The following CAMTA1 variants were observed in gnomAD, a reference collection of about 807,000 sequenced individuals.
CAMTA1 encodes calmodulin binding transcription activator 1, also known as calmodulin-binding transcription activator 1.
Under a neutral mutation model 170.9 loss-of-function variants are expected in CAMTA1, and 27 were observed. The ratio of observed to expected loss-of-function variants is 0.16; its 90% confidence interval spans 0.12 to 0.22. CAMTA1 has a LOEUF of 0.22. Among genes scored for constraint, CAMTA1 ranks in the 10% least tolerant of loss-of-function variants. CAMTA1 has a pLI of 1.00. For missense variants in CAMTA1, 1,619 were observed against 2,217.2 expected, an observed-to-expected ratio of 0.73 and a Z score of 5.42; for synonymous variants, 833 against 891.5, an observed-to-expected ratio of 0.93 and a Z score of 1.17.
Position 7,665,149 on chromosome 1 carries a change from G to A in CAMTA1, c.2602G>A (p.Gly868Arg), listed in dbSNP as rs770924661. 29 of 1,504,562 alleles carry A rather than the reference G, an allele frequency of 1.9e-5. No homozygotes were observed. The South Asian group carries it at 2.6e-4, about 13-fold the overall frequency. The allele number at this position is 1,504,562 out of a possible 1,614,324, so 93.2% of individuals were successfully genotyped here. ...QGTLGMLQQS[G>R]RVFMVTDYSP... ...CACCCTAGGCATGCTGCAGCAGAGC[G>A]GACGGGTGTTCATGGTGACCGACTA... The change falls in exon 9 of 23, where the codon GGA (glycine) becomes AGA (arginine). Residue 868 changes from glycine (G) to arginine (R), a missense_variant. Gly to Arg is a moderately radical substitution (Grantham distance 125, BLOSUM62 -2). Around this residue, in one of 8 missense-constraint regions of CAMTA1, gnomAD observed 731 missense variants for 907.6 expected, o/e 0.81. Coordinates refer to ENST00000303635, the MANE Select transcript of CAMTA1 (RefSeq NM_015215.4). This position sits in a 1 kb window ranked among gnomAD's most constrained non-coding sequence, Gnocchi z 4.3.
At chr1:7,454,722 C>T (rs1413922450) in intron 5 of CAMTA1, among the ~76,000 whole-genome samples, 1 of 151,852 alleles carries the variant, frequency 6.6e-6, no homozygotes, top group Non-Finnish European at 1.5e-5. Context: ...GCCTGGACAG[C>T]AGTGCTGGGC....
At chr1:7,151,899 C>T (rs1438077363) in intron 4 of CAMTA1, among the ~76,000 whole-genome samples, 1 of 152,122 alleles carries the variant, frequency 6.6e-6, no homozygotes, top group Non-Finnish European at 1.5e-5. Flanking sequence ...TTCCATTATA[C>T]GTTATAATGT....
At chr1:6,823,154 A>G (rs960162441) in intron 2 of CAMTA1, among the ~76,000 whole-genome samples, 2 of 152,068 alleles carry the variant, frequency 1.3e-5, no homozygotes, top group Non-Finnish European at 2.9e-5. Context: ...ATCATGGGGG[A>G]TTTTAAAAAA....
intron 5 of CAMTA1, among the ~76,000 whole-genome samples, chr1:7,289,579 C>T (rs983192152): frequency 6.6e-6 from 1 of 152,168 alleles, no homozygotes; most frequent in African/African-American, 2.4e-5. Context: ...AAGGCATGTC[C>T]ACCCTGAACC....
intron 6 of CAMTA1, among the ~76,000 whole-genome samples, chr1:7,480,416 T>TGTGA (rs1553177376): frequency 7.4e-5 from 11 of 148,662 alleles, no homozygotes; most frequent in Admixed American, 1.3e-4. Flanking sequence ...TGTGTGTGTG[T>TGTGA]GAGAGAGAGA....
chr1:6,968,754 G>A (rs1004104064), intron 3 of CAMTA1, among the ~76,000 whole-genome samples: 2 of 151,642 alleles, frequency 1.3e-5, no homozygotes, highest in African/African-American at 2.4e-5. Context: ...AAAAGGAGAC[G>A]GATAGAGAGA....
intron 5 of CAMTA1, among the ~76,000 whole-genome samples, chr1:7,423,888 G>A (rs950671583): frequency 6.6e-6 from 1 of 152,152 alleles, no homozygotes; most frequent in South Asian, 2.1e-4. Flanking sequence ...AGGACAGAGA[G>A]GGGAGGGACT....
chr1:7,053,984 C>A (rs1357999147), intron 3 of CAMTA1, among the ~76,000 whole-genome samples: 1 of 152,242 alleles, frequency 6.6e-6, no homozygotes. Context: ...GGACTTGCTG[C>A]TCCTGCTGCC....
At chr1:7,348,551 G>C (rs1388009871) in intron 5 of CAMTA1, among the ~76,000 whole-genome samples, 1 of 138,600 alleles carries the variant, frequency 7.2e-6, no homozygotes, top group African/African-American at 3.3e-5. Context: ...GTAAAGGTTC[G>C]GCCGCCTACA....
intron 21 of CAMTA1, among the ~76,000 whole-genome samples, chr1:7,752,782 T>C (rs1435650589): frequency 1.3e-5 from 2 of 152,206 alleles, no homozygotes; most frequent in African/African-American, 2.4e-5. Context: ...TCTGTTTTAA[T>C]TTGGGTGTGA....
chr1:7,711,556 T>C (rs2096570833), intron 11 of CAMTA1, among the ~76,000 whole-genome samples: 1 of 152,188 alleles, frequency 6.6e-6, no homozygotes, highest in African/African-American at 2.4e-5. Flanking sequence ...ATTCTCATGG[T>C]CCCATTTTAA....
At chr1:7,308,697 G>A (rs1188685800) in intron 5 of CAMTA1, among the ~76,000 whole-genome samples, 2 of 152,048 alleles carry the variant, frequency 1.3e-5, no homozygotes, top group Non-Finnish European at 2.9e-5. Context: ...AACATATTTT[G>A]TAGATTTCAA....
chr1:7,246,247 A>G (rs1057188303), intron 4 of CAMTA1, among the ~76,000 whole-genome samples: 6 of 152,232 alleles, frequency 3.9e-5, no homozygotes, highest in African/African-American at 7.2e-5. Flanking sequence ...TATGCTGGGA[A>G]TGATAATAAT....
At chr1:7,143,541 A>G (rs988567938) in intron 4 of CAMTA1, among the ~76,000 whole-genome samples, 6 of 152,192 alleles carry the variant, frequency 3.9e-5, no homozygotes, top group African/African-American at 1.4e-4. Flanking sequence ...CGGGCAGTGC[A>G]GGATCTCCTT....
At chr1:7,326,975 G>T (rs1303555679) in intron 5 of CAMTA1, among the ~76,000 whole-genome samples, 2 of 152,140 alleles carry the variant, frequency 1.3e-5, no homozygotes, top group Non-Finnish European at 2.9e-5. Flanking sequence ...AACAAAAAAG[G>T]ATGAAGAAGG....
intron 6 of CAMTA1, among the ~76,000 whole-genome samples, chr1:7,492,879 G>A (rs1213017942): frequency 1.6e-5 from 2 of 125,526 alleles, no homozygotes; most frequent in Middle Eastern, 7.1e-3. Context: ...ACGCGCACAT[G>A]CACAAACACA....
chr1:7,060,147 G>A (rs1420788709), intron 3 of CAMTA1, among the ~76,000 whole-genome samples: 1 of 152,232 alleles, frequency 6.6e-6, no homozygotes, highest in Non-Finnish European at 1.5e-5. Context: ...GGGGTGGTAT[G>A]AGTATGCTGT....
chr1:7,644,265 G>T (rs945312914), intron 7 of CAMTA1, among the ~76,000 whole-genome samples: 3 of 152,070 alleles, frequency 2.0e-5, no homozygotes, highest in Admixed American at 2.0e-4. Context: ...TCAGAAGGGG[G>T]CTTCCCTTCC....
Position 6,792,396 on chromosome 1 carries a change from T to C in CAMTA1, c.45+6821T>C, listed in dbSNP as rs182365322. Among the ~76,000 whole-genome samples, 478 of 152,080 alleles carry C rather than the reference T, an allele frequency of 3.1e-3. 1 individual carries two copies. The Middle Eastern group carries it at 0.034, about 11-fold the overall frequency. On this transcript the variant is annotated intron_variant, in intron 1 of 22. Coordinates refer to ENST00000303635, the MANE Select transcript of CAMTA1 (RefSeq NM_015215.4). ...TAGCTGTATATTTCTAAGGTTGTAT[T>C]GCATCCTTCTGCTTTGAACACCATT...
Sources: gnomAD v4.1 joint callset for allele counts (sites outside exome capture counted in the v4.1 genomes callset) on GRCh38, gnomAD v4.1.1 for gene constraint, gnomAD v4.1.1 regional missense constraint, Gnocchi (gnomAD v3.1) non-coding constraint, MANE v1.5 for transcripts, NCBI Gene and HGNC (gene_info 2026-07-23, HGNC 2026-07-21) for gene names.